Variants in EHBP1 observed in about 807,000 individuals in gnomAD.
The protein encoded by EHBP1 is EH domain binding protein 1.
In EHBP1, 55 loss-of-function variants were observed where a neutral mutation model predicts 144.0. The ratio of observed to expected loss-of-function variants is 0.38; its 90% confidence interval spans 0.31 to 0.48. The LOEUF (loss-of-function observed/expected upper bound fraction) is 0.48. EHBP1 is among the 20% of genes least tolerant of loss of function. The probability of loss-of-function intolerance (pLI) is 0.98; values close to 1 mark genes in which losing one functional copy is unlikely to be tolerated. For synonymous variants in EHBP1, 469 were observed against 472.7 expected, an observed-to-expected ratio of 0.99 and a Z score of 0.10; for missense variants, 1,200 against 1,364.2, an observed-to-expected ratio of 0.88 and a Z score of 1.90.
chr2:62,989,850 C>A (rs573184407), intron 15 of EHBP1, among the ~76,000 whole-genome samples: 1 of 152,066 alleles, frequency 6.6e-6, no homozygotes, highest in East Asian at 1.9e-4. Flanking sequence ...TAATCTTTAT[C>A]TTGATTTGAC....
chr2:62,974,954 A>G (rs2058650501), intron 14 of EHBP1, among the ~76,000 whole-genome samples: 1 of 152,158 alleles, frequency 6.6e-6, no homozygotes, highest in Non-Finnish European at 1.5e-5. Context: ...TATGCTCTAC[A>G]AATTCTGTAG....
intron 19 of EHBP1, among the ~76,000 whole-genome samples, chr2:63,007,434 C>CA (rs1236966256): frequency 6.6e-6 from 1 of 151,746 alleles, no homozygotes; most frequent in Non-Finnish European, 1.5e-5. Flanking sequence ...AGATACACAG[C>CA]AAATATATAT....
intron 21 of EHBP1, among the ~76,000 whole-genome samples, chr2:63,041,387 A>G (rs2061653553): frequency 6.6e-6 from 1 of 152,072 alleles, no homozygotes; most frequent in African/African-American, 2.4e-5. Flanking sequence ...TTCTGCACAC[A>G]TTGGGGTGGG....
intron 10 of EHBP1, among the ~76,000 whole-genome samples, chr2:62,895,278 T>TATC (rs10700628): frequency 0.21 from 31,162 of 149,686 alleles, 3,139 homozygotes; most frequent in African/African-American, 0.23. Context: ...ATGTAAATTC[T>TATC]ATCATCATCA....
At chr2:62,735,105 G>A (rs2152063945) in intron 2 of EHBP1, among the ~76,000 whole-genome samples, 1 of 152,244 alleles carries the variant, frequency 6.6e-6, no homozygotes, top group East Asian at 1.9e-4. Context: ...GTGTTGCTCA[G>A]GCTGGCCTCA....
chr2:62,855,617 G>A (rs940535754), intron 7 of EHBP1, among the ~76,000 whole-genome samples: 3 of 152,100 alleles, frequency 2.0e-5, no homozygotes, highest in Non-Finnish European at 2.9e-5. Context: ...TCTTCTCTGA[G>A]GCCCATGAAA....
At chr2:62,918,280 C>T (rs914206103) in intron 10 of EHBP1, among the ~76,000 whole-genome samples, 1 of 152,076 alleles carries the variant, frequency 6.6e-6, no homozygotes, top group African/African-American at 2.4e-5. Context: ...TTACAACTAC[C>T]GTAGTAAATT....
intron 7 of EHBP1, among the ~76,000 whole-genome samples, chr2:62,850,856 T>G (rs1381252228): frequency 6.6e-6 from 1 of 152,118 alleles, no homozygotes. Flanking sequence ...AGACAAGTAC[T>G]TTTTTTAGAA....
intron 19 of EHBP1, among the ~76,000 whole-genome samples, chr2:63,008,716 A>G (rs919244716): frequency 4.6e-5 from 7 of 151,028 alleles, no homozygotes; most frequent in Non-Finnish European, 1.5e-5. Context: ...TTTAAATTAT[A>G]ACTGGATTGC....
chr2:62,969,573 A>G (rs2153167671), intron 14 of EHBP1, among the ~76,000 whole-genome samples: 1 of 152,304 alleles, frequency 6.6e-6, no homozygotes, highest in Middle Eastern at 3.4e-3. Context: ...ATTAAAAACT[A>G]TCTCAAATTT....
At chr2:62,991,243 TA>T (rs548024211) in intron 16 of EHBP1, among the ~76,000 whole-genome samples, 527 of 117,162 alleles carry the variant, frequency 4.5e-3, no homozygotes, top group Middle Eastern at 0.014. Context: ...AGACCTTGTC[TA>T]AAAAAAAAAA....
intron 10 of EHBP1, among the ~76,000 whole-genome samples, chr2:62,933,790 G>A (rs575120676): frequency 6.6e-5 from 10 of 152,140 alleles, no homozygotes; most frequent in African/African-American, 2.2e-4. Context: ...TTTTAAGTAT[G>A]ACCCCCCTAA....
intron 7 of EHBP1, among the ~76,000 whole-genome samples, chr2:62,852,858 T>G (rs1220021424): frequency 6.6e-6 from 1 of 152,166 alleles, no homozygotes; most frequent in African/African-American, 2.4e-5. Context: ...CTAGGTTACC[T>G]TGAGTCAGAG....
chr2:62,678,357 G>A (rs1463987855), intron 1 of EHBP1, among the ~76,000 whole-genome samples: 4 of 152,134 alleles, frequency 2.6e-5, no homozygotes, highest in African/African-American at 9.7e-5. Flanking sequence ...AGAGTTGTCT[G>A]AGTTCTTTAT....
chr2:62,764,629 T>C (rs1180924953), intron 4 of EHBP1, among the ~76,000 whole-genome samples: 1 of 152,146 alleles, frequency 6.6e-6, no homozygotes, highest in Non-Finnish European at 1.5e-5. Context: ...CAGAAAACTG[T>C]AAAATGCCTT....
exon 1 of EHBP1, chr2:62,674,037 A>G (rs781457363): frequency 6.8e-5 from 32 of 470,982 alleles, no homozygotes; most frequent in Non-Finnish European, 1.3e-4. Flanking sequence ...CATCTCAAGA[A>G]GCCGAATCAA....
chr2:62,728,262 C>T (rs1412532878), intron 2 of EHBP1, among the ~76,000 whole-genome samples: 1 of 152,182 alleles, frequency 6.6e-6, no homozygotes, highest in Non-Finnish European at 1.5e-5. Flanking sequence ...ATCTCAGGTA[C>T]ATACCTGGAA....
At chr2:62,970,446 A>G (rs146488222) in intron 14 of EHBP1, among the ~76,000 whole-genome samples, 67 of 152,216 alleles carry the variant, frequency 4.4e-4, no homozygotes, top group African/African-American at 1.5e-3. Flanking sequence ...TATAAACACA[A>G]TTTTACGAAG....
intron 7 of EHBP1, among the ~76,000 whole-genome samples, chr2:62,839,488 C>G (rs1458779398): frequency 6.8e-6 from 1 of 147,980 alleles, no homozygotes; most frequent in Admixed American, 6.8e-5. Context: ...GAAGTTCTGG[C>G]CAGGGCAATT....
Sources: allele counts gnomAD v4.1 joint callset (sites outside exome capture counted in the v4.1 genomes callset), GRCh38; gene constraint gnomAD v4.1.1; transcripts MANE v1.5; gene names NCBI Gene and HGNC (gene_info 2026-07-23, HGNC 2026-07-21).